The following RBFOX1 variants were observed in gnomAD, a reference collection of about 807,000 sequenced individuals.
RBFOX1 encodes RNA binding fox-1 homolog 1.
A neutral mutation model predicts 57.7 loss-of-function variants in RBFOX1; 8 were observed. That is an observed-to-expected ratio of 0.14 (90% CI 0.08 to 0.25). RBFOX1 has a LOEUF of 0.25. Among genes scored for constraint, RBFOX1 ranks in the 10% least tolerant of loss-of-function variants. The pLI, the probability that RBFOX1 is intolerant of heterozygous loss-of-function variation, is 1.00. For missense variants in RBFOX1, 611 were observed against 548.5 expected (o/e 1.11, Z -1.14); for synonymous variants, 326 against 222.4 (o/e 1.47, Z -4.15).
intron 1 of RBFOX1, among the ~76,000 whole-genome samples, chr16:6,127,177 G>T (rs2096595858): frequency 1.3e-5 from 2 of 152,024 alleles, no homozygotes; most frequent in African/African-American, 4.8e-5. Context: ...GTTGAATGGA[G>T]TAAGAGGGTA....
intron 11 of RBFOX1, among the ~76,000 whole-genome samples, chr16:7,639,286 G>C (rs1276966876): frequency 6.6e-6 from 1 of 152,078 alleles, no homozygotes; most frequent in Non-Finnish European, 1.5e-5. Context: ...CAACAATGCT[G>C]GCTCTAAAAG....
At chr16:6,917,798 C>T (rs1012291706) in intron 3 of RBFOX1, among the ~76,000 whole-genome samples, 4 of 152,170 alleles carry the variant, frequency 2.6e-5, no homozygotes, top group Admixed American at 1.3e-4. Context: ...CAGTAGCAGA[C>T]CTTCAGCTGC....
intron 4 of RBFOX1, among the ~76,000 whole-genome samples, chr16:7,417,530 G>GTT (rs2098494174): frequency 7.5e-6 from 1 of 133,532 alleles, no homozygotes; most frequent in Admixed American, 7.7e-5. Context: ...ACATGGTATT[G>GTT]TGTGTGTGTG....
chr16:5,371,669 C>A (rs2065859911), intron 1 of RBFOX1, among the ~76,000 whole-genome samples: 1 of 152,184 alleles, frequency 6.6e-6, no homozygotes, highest in Non-Finnish European at 1.5e-5. Flanking sequence ...ACGCACTTCT[C>A]TTTTTCCCAC....
chr16:5,658,898 A>G (rs1199476728), intron 3 of RBFOX1, among the ~76,000 whole-genome samples: 5 of 150,648 alleles, frequency 3.3e-5, no homozygotes, highest in African/African-American at 1.2e-4. Context: ...TATCTCACAT[A>G]GTTTCTTTAT....
chr16:5,541,656 C>G (rs1210008147), intron 2 of RBFOX1, among the ~76,000 whole-genome samples: 2 of 152,164 alleles, frequency 1.3e-5, no homozygotes. Context: ...CTGAGCAGTT[C>G]CCAGCATGAG....
At chr16:7,278,885 G>C (rs1011431847) in intron 4 of RBFOX1, among the ~76,000 whole-genome samples, 1 of 152,158 alleles carries the variant, frequency 6.6e-6, no homozygotes, top group East Asian at 1.9e-4. Context: ...TTGTCGAAAG[G>C]GAATTATTCT....
intron 1 of RBFOX1, among the ~76,000 whole-genome samples, chr16:6,188,910 A>C (rs2097124663): frequency 6.6e-6 from 1 of 152,184 alleles, no homozygotes; most frequent in South Asian, 2.1e-4. Context: ...TTATTAAGAG[A>C]TCTGTAATAA....
chr16:6,125,866 G>A (rs113894070), intron 1 of RBFOX1, among the ~76,000 whole-genome samples: 182 of 152,308 alleles, frequency 1.2e-3, no homozygotes, highest in African/African-American at 4.1e-3. Flanking sequence ...TACTGCCGGG[G>A]AGAGATTTTC....
At chr16:6,397,804 C>G (rs1596576182) in intron 2 of RBFOX1, among the ~76,000 whole-genome samples, 4 of 152,106 alleles carry the variant, frequency 2.6e-5, no homozygotes, top group Admixed American at 2.6e-4. Flanking sequence ...TGTATTAATG[C>G]TGAGTAGACT....
In RBFOX1 at chr16:5,914,925, A is replaced by T. The variant is rs540580007; in HGVS notation, c.351+47590A>T. Reference sequence around the variant, plus strand: ...CAAAACAAAACAAAAACAAAAAAAAAGAGAGTCTATGACAAAGGGTTCACC... The same window carrying T: ...CAAAACAAAACAAAAACAAAAAAAATGAGAGTCTATGACAAAGGGTTCACC... On this transcript the variant is annotated intron_variant, in intron 4 of 19. Coordinates refer to the RBFOX1 transcript ENST00000641259. 1.6e-4 allele frequency among the ~76,000 whole-genome samples: 24 copies of T among 152,174 alleles called. No individual in the cohort carries two copies. In the East Asian group the frequency reaches 4.7e-3, roughly 30 times the overall value.
chr16:6,849,298 G>A (rs142655429), intron 3 of RBFOX1, among the ~76,000 whole-genome samples: 132 of 152,232 alleles, frequency 8.7e-4, no homozygotes, highest in African/African-American at 3.1e-3. Flanking sequence ...CTGCTCATTG[G>A]CAAAAATCGT....
chr16:6,874,769 C>G (rs1054142368), intron 3 of RBFOX1, among the ~76,000 whole-genome samples: 4 of 151,766 alleles, frequency 2.6e-5, no homozygotes, highest in African/African-American at 9.7e-5. Flanking sequence ...ACTCTTGGGA[C>G]TTGAGGGGAA....
intron 10 of RBFOX1, among the ~76,000 whole-genome samples, chr16:7,626,196 C>G (rs970699847): frequency 6.6e-6 from 1 of 152,192 alleles, no homozygotes; most frequent in Non-Finnish European, 1.5e-5. Context: ...GTTTTCCTCA[C>G]TTAGGGGGTT....
At chr16:7,525,223 C>T (rs7197753) in intron 5 of RBFOX1, among the ~76,000 whole-genome samples, 12,519 of 152,138 alleles carry the variant, frequency 0.082, 1,385 homozygotes, top group African/African-American at 0.26. Flanking sequence ...AATCTAAACA[C>T]CTACTTTGGC....
chr16:7,428,571 A>C (rs1031392348), intron 4 of RBFOX1, among the ~76,000 whole-genome samples: 3 of 149,292 alleles, frequency 2.0e-5, no homozygotes, highest in African/African-American at 7.4e-5. Flanking sequence ...GGGTTTTGCC[A>C]TGTTGGCCAG....
chr16:6,467,517 G>A (rs2095077159), intron 2 of RBFOX1, among the ~76,000 whole-genome samples: 2 of 152,156 alleles, frequency 1.3e-5, no homozygotes, highest in Non-Finnish European at 2.9e-5. Flanking sequence ...AGTATACTAT[G>A]CTGAGACAGG....
At chr16:6,596,344 C>G (rs2097776582) in intron 2 of RBFOX1, among the ~76,000 whole-genome samples, 1 of 152,134 alleles carries the variant, frequency 6.6e-6, no homozygotes, top group South Asian at 2.1e-4. Context: ...TCCAGTTACC[C>G]CAGCACCATT....
chr16:7,126,486 T>C (rs2068585447), intron 4 of RBFOX1: 1 of 230,122 alleles, frequency 4.3e-6, no homozygotes, highest in Admixed American at 4.1e-5. Flanking sequence ...TTCAGAAACA[T>C]CCCTGACTGC....
Sources: gnomAD v4.1 joint callset for allele counts (sites outside exome capture counted in the v4.1 genomes callset) on GRCh38, gnomAD v4.1.1 for gene constraint, MANE v1.5 for transcripts, NCBI Gene and HGNC (gene_info 2026-07-23, HGNC 2026-07-21) for gene names.